Variants in MAPK6 observed in about 807,000 individuals in gnomAD.
MAPK6 encodes mitogen-activated protein kinase 6, also known as ERK-3.
Under a neutral mutation model 59.3 loss-of-function variants are expected in MAPK6, and 19 were observed. The observed-to-expected ratio is 0.32, with a 90% confidence interval of 0.22 to 0.47. MAPK6 has a LOEUF of 0.47. Among genes scored for constraint, MAPK6 ranks in the 20% least tolerant of loss-of-function variants. MAPK6 has a pLI of 1.00. For synonymous variants in MAPK6, 316 were observed against 290.3 expected, an observed-to-expected ratio of 1.09 and a Z score of -0.90; for missense variants, 724 against 847.9, an observed-to-expected ratio of 0.85 and a Z score of 1.81.
At chr15:51,972,142 C>G (rs1250468777) in intron 1 of MAPK6, among the ~76,000 whole-genome samples, 2 of 145,008 alleles carry the variant, frequency 1.4e-5, no homozygotes, top group Non-Finnish European at 3.1e-5. Context: ...CCCCTTTACC[C>G]TCTTAAAAAT....
At chr15:52,032,004 C>A (rs755201500) in intron 1 of MAPK6, among the ~76,000 whole-genome samples, 1 of 151,100 alleles carries the variant, frequency 6.6e-6, no homozygotes, top group Admixed American at 6.6e-5. Context: ...GGGTTCATGC[C>A]ATTCTTCTGC....
chr15:51,994,600 A>T (rs1047659752), intron 2 of MAPK6, among the ~76,000 whole-genome samples: 1 of 152,240 alleles, frequency 6.6e-6, no homozygotes. Flanking sequence ...ATATTTACAT[A>T]GCTTCAAGGT....
At chr15:52,035,650 A>C (rs1224785850) in intron 1 of MAPK6, 3 of 151,908 alleles carry the variant, frequency 2.0e-5, no homozygotes, top group African/African-American at 7.3e-5. Flanking sequence ...GAAAAGAAAA[A>C]ATCCATAGGG....
At chr15:52,013,805 A>T (rs955730055) in intron 3 of MAPK6, among the ~76,000 whole-genome samples, 2 of 152,178 alleles carry the variant, frequency 1.3e-5, no homozygotes, top group African/African-American at 4.8e-5. Context: ...AAAACAATAG[A>T]TTCTTCTACC....
At chr15:51,989,941 A>G (rs2057202845) in intron 2 of MAPK6, among the ~76,000 whole-genome samples, 1 of 152,216 alleles carries the variant, frequency 6.6e-6, no homozygotes, top group South Asian at 2.1e-4. Context: ...TAATTTGTCT[A>G]GCAATGTCTA....
At chr15:52,016,389 C>CA (rs1195080228), upstream of MAPK6, among the ~76,000 whole-genome samples, 1 of 148,582 alleles carries the variant, frequency 6.7e-6, no homozygotes, top group African/African-American at 2.5e-5. Context: ...AACTCCATCT[C>CA]AAAAAAAGAA....
intron 1 of MAPK6, among the ~76,000 whole-genome samples, chr15:51,976,143 G>A (rs962255450): frequency 6.6e-6 from 1 of 151,328 alleles, no homozygotes; most frequent in African/African-American, 2.4e-5. Flanking sequence ...GCACATGCCT[G>A]TAGTCCCAGC....
intron 1 of MAPK6, among the ~76,000 whole-genome samples, chr15:52,020,473 G>A (rs867718829): frequency 1.3e-5 from 2 of 151,172 alleles, no homozygotes; most frequent in Admixed American, 6.6e-5. Context: ...TTTTTTTAAC[G>A]GATACAGATG....
chr15:52,009,879 TCTCCTGCTTTAGC>T (rs2030005872), intron 3 of MAPK6, among the ~76,000 whole-genome samples: 1 of 151,924 alleles, frequency 6.6e-6, no homozygotes, highest in Admixed American at 6.6e-5. Context: ...TTCAAGTGAT[TCTCCTGCTTTAGC>T]CTCCTGAGTA....
chr15:51,974,904 G>C (rs1440261648), intron 1 of MAPK6, among the ~76,000 whole-genome samples: 1 of 150,896 alleles, frequency 6.6e-6, no homozygotes, highest in Admixed American at 6.6e-5. Flanking sequence ...TTTTAGTAAA[G>C]ACAGGGTTTC....
chr15:52,056,335 T>C (rs2031982195), intron 3 of MAPK6, among the ~76,000 whole-genome samples: 1 of 152,242 alleles, frequency 6.6e-6, no homozygotes. Flanking sequence ...CATTCAAACA[T>C]TGATAGAATT....
chr15:51,972,574 A>C (rs2057136781), intron 1 of MAPK6, among the ~76,000 whole-genome samples: 1 of 149,862 alleles, frequency 6.7e-6, no homozygotes, highest in Non-Finnish European at 1.5e-5. Context: ...CTGTAATCCC[A>C]GCACTTTGGG....
At chr15:51,991,488 T>C (rs980927763) in intron 2 of MAPK6, among the ~76,000 whole-genome samples, 2 of 152,224 alleles carry the variant, frequency 1.3e-5, no homozygotes, top group African/African-American at 4.8e-5. Flanking sequence ...ATACAAAGTA[T>C]ATAAACTTTT....
At chr15:52,062,629 A>C (rs1192518026) in intron 5 of MAPK6, among the ~76,000 whole-genome samples, 2 of 152,046 alleles carry the variant, frequency 1.3e-5, no homozygotes, top group African/African-American at 2.4e-5. Context: ...GCCAGGCTTG[A>C]TGGCGGGCTC....
At chr15:51,992,941 C>A (rs2057214356) in intron 2 of MAPK6, among the ~76,000 whole-genome samples, 1 of 152,056 alleles carries the variant, frequency 6.6e-6, no homozygotes, top group Non-Finnish European at 1.5e-5. Flanking sequence ...CAAATCCTGT[C>A]CCTTTGGGTT....
chr15:52,051,234 T>A (rs2031768215), intron 3 of MAPK6, among the ~76,000 whole-genome samples: 2 of 152,122 alleles, frequency 1.3e-5, no homozygotes, highest in South Asian at 4.1e-4. Context: ...ATTTTTTGTA[T>A]TTTTAGTGGA....
chr15:52,047,206 A>C (rs77306718), intron 2 of MAPK6, among the ~76,000 whole-genome samples, 191 bp downstream of exon 2: 2,955 of 152,256 alleles, frequency 0.019, 101 homozygotes, highest in African/African-American at 0.069. Flanking sequence ...CAAATTTCTA[A>C]AAATACATGG....
intron 1 of MAPK6, among the ~76,000 whole-genome samples, chr15:52,026,776 G>C (rs1022044142): frequency 6.6e-6 from 1 of 152,140 alleles, no homozygotes; most frequent in Non-Finnish European, 1.5e-5. Flanking sequence ...TCATGGCTGG[G>C]CGCGATGGCT....
intron 3 of MAPK6, chr15:52,057,324 G>C (rs532179545): frequency 6.6e-6 from 1 of 151,946 alleles, no homozygotes; most frequent in Admixed American, 6.5e-5. Flanking sequence ...TCAAACTCAG[G>C]GTAAAGCAAA....
Sources: allele counts gnomAD v4.1 joint callset (sites outside exome capture counted in the v4.1 genomes callset), GRCh38; gene constraint gnomAD v4.1.1; transcripts MANE v1.5; gene names NCBI Gene and HGNC (gene_info 2026-07-23, HGNC 2026-07-21).